The following CEP162 variants were observed in gnomAD, a reference collection of about 807,000 sequenced individuals.
The protein encoded by CEP162 is centrosomal protein 162.
CEP162 carries 141 observed loss-of-function variants against 169.2 expected under a neutral mutation model. The observed-to-expected ratio is 0.83, with a 90% CI of 0.73 to 0.96. The LOEUF (loss-of-function observed/expected upper bound fraction) is 0.96, where lower values mean the gene tolerates loss of function less well. CEP162 is among the 40% of genes least tolerant of loss of function. The pLI, the probability that CEP162 is intolerant of heterozygous loss-of-function variation, is 0.00. For missense variants in CEP162, 1,600 were observed against 1,587.2 expected (o/e 1.01, Z -0.14); for synonymous variants, 540 against 526.4 (o/e 1.03, Z -0.35).
chr6:84,125,108 C>T lies in CEP162; in HGVS notation c.4174G>A (p.Val1392Ile), dbSNP rs771296833. The change falls in exon 27 of 27, where the codon GTT becomes ATT. Residue 1392 changes from valine to isoleucine, a missense_variant. By Grantham distance (29) the Val-to-Ile change is conservative. Coordinates refer to ENST00000403245, the MANE Select transcript of CEP162 (RefSeq NM_014895.4). The part of the protein sequence containing the change: ...ELHRQGVVVP[V>I]AFADEMNAPE... ...GCATTCATTTCATCTGCAAAAGCAA[C>T]TGGCACAACCACTCCTTGCCGGTGC... is the stretch of plus-strand genomic sequence containing the variant. The T allele has an allele frequency of 1.2e-6, 2 of 1,613,128 alleles. No homozygotes were observed. The highest frequency in any genetic ancestry group is 1.1e-5 in the South Asian group (1 of 90,972).
intron 4 of CEP162, 74 bp downstream of exon 4, chr6:84,215,702 A>G: frequency 6.7e-7 from 1 of 1,499,726 alleles, no homozygotes; most frequent in Non-Finnish European, 8.9e-7. Context: ...GGAGGCTTCA[A>G]GATAATTTTT....
intron 21 of CEP162, among the ~76,000 whole-genome samples, chr6:84,159,181 C>G (rs969414486): frequency 2.6e-5 from 4 of 151,158 alleles, no homozygotes; most frequent in Admixed American, 6.6e-5. Context: ...CTCATGGAAA[C>G]TAAATAAATA....
intron 5 of CEP162, among the ~76,000 whole-genome samples, chr6:84,214,000 T>A (rs1489660361): frequency 6.6e-6 from 1 of 152,132 alleles, no homozygotes; most frequent in Non-Finnish European, 1.5e-5. Context: ...ACATTTTCGC[T>A]GGGCGCGGTG....
intron 14 of CEP162, 69 bp from the exon 15 acceptor site, chr6:84,175,023 A>C: frequency 9.2e-7 from 1 of 1,091,104 alleles, no homozygotes; most frequent in Non-Finnish European, 1.3e-6. Context: ...GTGGTTAATT[A>C]AAAAAAGAAT....
chr6:84,180,164 T>C (rs2099534158), intron 13 of CEP162, among the ~76,000 whole-genome samples: 1 of 152,244 alleles, frequency 6.6e-6, no homozygotes, highest in East Asian at 1.9e-4. Flanking sequence ...GTGGGCTTCA[T>C]CCCTGGGATG....
In CEP162 at chr6:84,160,852, T is replaced by C. The variant is rs1397781652; in HGVS notation, c.2741A>G (p.Lys914Arg). The change falls in exon 21 of 27, where the codon AAA becomes AGA. Residue 914 changes from lysine to arginine, a missense_variant. Coordinates refer to ENST00000403245, the MANE Select transcript of CEP162 (RefSeq NM_014895.4). ...SIRQKIRLKD[K>R]AADAKKIQDL... Reference sequence around the variant, plus strand: ...CTGAATTTTTTTGGCATCTGCTGCTTTATCTTTTAAGCGTATCTTCTGCCG... The same window carrying C: ...CTGAATTTTTTTGGCATCTGCTGCTCTATCTTTTAAGCGTATCTTCTGCCG... 6.8e-6 allele frequency: 11 copies of C among 1,613,156 alleles called. No homozygotes were observed. The highest frequency in any genetic ancestry group is 9.3e-6 in the Non-Finnish European group (11 of 1,179,528).
In CEP162 at chr6:84,213,026, TG is replaced by T; in HGVS notation, c.504-3del. 5 of 1,520,742 alleles carry T rather than the reference TG, an allele frequency of 3.3e-6. No individual in the cohort carries two copies. Among genetic ancestry groups the T allele is most frequent in the Non-Finnish European group, 4.5e-6 (5 of 1,121,372 alleles). The allele number at this position is 1,520,742 out of a possible 1,614,324, so 94.2% of individuals were successfully genotyped here. A position where few individuals can be genotyped will look rare whatever the true frequency, so the allele number is the denominator to read the frequency against. On this transcript the variant is annotated splice_polypyrimidine_tract_variant and splice_region_variant and intron_variant, in intron 5 of 26. Coordinates refer to ENST00000403245, the MANE Select transcript of CEP162 (RefSeq NM_014895.4). ...GTTAGTTCTGCGTTGGCTTGATTAC[TG>T]GAAAAAATATTTATTTAATTTAGCA...
At chr6:84,185,061 C>T (rs1168480616) in intron 13 of CEP162, 126 bp downstream of exon 13, 2 of 792,600 alleles carry the variant, frequency 2.5e-6, no homozygotes, top group African/African-American at 3.5e-5. Context: ...TACACTGCCA[C>T]CACCCTGGGT....
At chr6:84,160,764 T>C (rs1450249551) in intron 21 of CEP162, 48 bp downstream of exon 21, 2 of 1,168,308 alleles carry the variant, frequency 1.7e-6, no homozygotes, top group Non-Finnish European at 2.6e-6. Flanking sequence ...AAAACCAAAA[T>C]GCACTATATA....
chr6:84,215,304 T>A lies in CEP162; in HGVS notation c.481A>T (p.Thr161Ser). 6.3e-7 allele frequency: 1 copy of A among 1,586,936 alleles called. No individual in the cohort carries two copies. Among genetic ancestry groups the A allele is most frequent in the African/African-American group, 1.3e-5 (1 of 74,604 alleles). Reference sequence around the variant, plus strand: ...TACCTATGTAAAGCTTTAAAATGTGTAGAGTCATTAGAATCCAATTCCTTA... The same window carrying A: ...TACCTATGTAAAGCTTTAAAATGTGAAGAGTCATTAGAATCCAATTCCTTA... ...LNKELDSNDSTHFKALHSNQA... is the reference protein window; with the variant it reads ...LNKELDSNDSSHFKALHSNQA... Residue 161 changes from threonine (T) to serine (S), a missense_variant, in exon 5 of 27, where the codon ACA (threonine) becomes TCA (serine). Thr to Ser is a moderately conservative substitution (Grantham distance 58, BLOSUM62 1). Coordinates refer to ENST00000403245, the MANE Select transcript of CEP162 (RefSeq NM_014895.4).
At chr6:84,164,736 C>A (rs1289954284) in intron 18 of CEP162, among the ~76,000 whole-genome samples, 4 of 152,060 alleles carry the variant, frequency 2.6e-5, no homozygotes, top group African/African-American at 7.2e-5. Context: ...AGGACAAATA[C>A]CTAATGCAGG....
At chr6:84,208,668 G>A (rs988332793) in intron 6 of CEP162, among the ~76,000 whole-genome samples, 1 of 152,188 alleles carries the variant, frequency 6.6e-6, no homozygotes, top group African/African-American at 2.4e-5. Context: ...CATGTGTATT[G>A]TAACTTAGGT....
At chr6:84,186,770 A>G in intron 11 of CEP162, 147 bp from the exon 12 acceptor site, 1 of 649,462 alleles carries the variant, frequency 1.5e-6, no homozygotes, top group Non-Finnish European at 2.5e-6. Context: ...TAAATACAGT[A>G]TAATTTTGAT....
At chr6:84,205,185 A>G (rs527731284) in intron 6 of CEP162, among the ~76,000 whole-genome samples, 20 of 152,340 alleles carry the variant, frequency 1.3e-4, no homozygotes, top group African/African-American at 4.3e-4. Flanking sequence ...AACTATTCCA[A>G]TCAACAGAAA....
chr6:84,209,380 T>G (rs926684851), intron 6 of CEP162, among the ~76,000 whole-genome samples: 2 of 152,206 alleles, frequency 1.3e-5, no homozygotes, highest in South Asian at 2.1e-4. Flanking sequence ...CTACTTTTTT[T>G]TTTTTTTTCT....
chr6:84,160,516 A>C (rs893505392), intron 21 of CEP162, among the ~76,000 whole-genome samples: 4 of 152,160 alleles, frequency 2.6e-5, no homozygotes, highest in African/African-American at 9.6e-5. Context: ...TCCTAACTCT[A>C]TATCCAGAGT....
At position 84,157,118 on chromosome 6, in the gene CEP162, A is replaced by G. The variant is rs148903443; in HGVS notation, c.2782-1608T>C. On this transcript the variant is annotated intron_variant, in intron 21 of 26. Coordinates refer to ENST00000403245, the MANE Select transcript of CEP162 (RefSeq NM_014895.4). ...TTGTACCCCCTAAATCTATAAAAAT[A>G]AAACAGTAAAATTTTTGAAACATAT... 4.5e-3 allele frequency among the ~76,000 whole-genome samples: 680 copies of G among 152,354 alleles called. 20 individuals carry two copies. Among genetic ancestry groups the G allele is most frequent in the Admixed American group, 0.032 (484 of 15,306 alleles).
chr6:84,177,049 C>A (rs2099532707), intron 13 of CEP162, among the ~76,000 whole-genome samples: 1 of 151,956 alleles, frequency 6.6e-6, no homozygotes, highest in South Asian at 2.1e-4. Context: ...GTTGTTTGTT[C>A]ATACTACATC....
chr6:84,185,655 T>G (rs930609233), intron 12 of CEP162, among the ~76,000 whole-genome samples: 1 of 151,986 alleles, frequency 6.6e-6, no homozygotes, highest in Non-Finnish European at 1.5e-5. Flanking sequence ...TGAAACAAAG[T>G]AAAGCAAAAT....
Sources: allele counts gnomAD v4.1 joint callset (sites outside exome capture counted in the v4.1 genomes callset), GRCh38; gene constraint gnomAD v4.1.1; transcripts MANE v1.5; gene names NCBI Gene and HGNC (gene_info 2026-07-23, HGNC 2026-07-21).